MEI4: variants seen among roughly 807,000 people sequenced by gnomAD.
MEI4 encodes meiosis-specific protein MEI4.
In MEI4, 27 loss-of-function variants were observed where a neutral mutation model predicts 31.4. That is an observed-to-expected ratio of 0.86 (90% CI 0.63 to 1.19). MEI4 has a LOEUF of 1.19. Among genes scored for constraint, MEI4 ranks in the 50% most tolerant of loss-of-function variants. The pLI is 0.00. For synonymous variants in MEI4, 122 were observed against 145.4 expected (o/e 0.84, Z 1.16); for missense variants, 329 against 398.9 (o/e 0.82, Z 1.49).
chr6:77,839,822 TAGTC>T (rs1770314423), intron 4 of MEI4, among the ~76,000 whole-genome samples: 1 of 152,154 alleles, frequency 6.6e-6, no homozygotes, highest in South Asian at 2.1e-4. Context: ...AACAACTTAG[TAGTC>T]AGTGTGTCAC....
At chr6:77,796,833 G>T (rs1301648086) in intron 3 of MEI4, among the ~76,000 whole-genome samples, 2 of 152,112 alleles carry the variant, frequency 1.3e-5, no homozygotes, top group Non-Finnish European at 2.9e-5. Flanking sequence ...AAATATAAAA[G>T]AAATGCTAAA....
intron 2 of MEI4, among the ~76,000 whole-genome samples, chr6:77,731,712 G>T (rs373393447): frequency 6.6e-6 from 1 of 151,276 alleles, no homozygotes; most frequent in Non-Finnish European, 1.5e-5. Context: ...CCATGCCTAT[G>T]TCCTGAATAG....
At chr6:77,734,969 C>T (rs904008945) in intron 2 of MEI4, among the ~76,000 whole-genome samples, 10 of 152,126 alleles carry the variant, frequency 6.6e-5, no homozygotes, top group Middle Eastern at 3.4e-3. Context: ...GGCCCCCACT[C>T]TCTTCTGGCT....
chr6:77,802,868 T>A (rs1246569716), intron 3 of MEI4, among the ~76,000 whole-genome samples: 2 of 152,258 alleles, frequency 1.3e-5, no homozygotes, highest in Non-Finnish European at 2.9e-5. Flanking sequence ...CTTCCTTTTG[T>A]GGTTAACCCG....
In MEI4 at chr6:77,797,409, G is replaced by T. The variant is rs186886848; in HGVS notation, c.769-31522G>T. ...AGATTGAAAAGCCACCTTATGAAAT[G>T]GGAATAAACTTGCAAATTTATTAAG... On this transcript the variant is annotated intron_variant, in intron 3 of 4. Transcript: ENST00000684080. 1.4e-3 allele frequency among the ~76,000 whole-genome samples: 210 copies of T among 152,174 alleles called. 1 individual carries two copies. Among genetic ancestry groups the T allele is most frequent in the African/African-American group, 4.4e-3 (184 of 41,534 alleles).
chr6:77,816,403 A>G lies in MEI4; in HGVS notation c.769-12528A>G, dbSNP rs142294060. On this transcript the variant is annotated intron_variant, in intron 3 of 4. Transcript: ENST00000684080. ...TTTAAAAAGTTGATCAAGTTAATCA[A>G]TATAAATTAGTAGGAGGACTGGGAT... is the stretch of plus-strand genomic sequence containing the variant. 1.4e-3 allele frequency among the ~76,000 whole-genome samples: 216 copies of G among 152,300 alleles called. 1 individual carries two copies. Among genetic ancestry groups the G allele is most frequent in the African/African-American group, 4.5e-3 (186 of 41,586 alleles).
chr6:77,731,531 CT>C (rs1221646608), intron 2 of MEI4, among the ~76,000 whole-genome samples: 1 of 151,200 alleles, frequency 6.6e-6, no homozygotes, highest in African/African-American at 2.4e-5. Flanking sequence ...GATATTAGCC[CT>C]TTGTCAGATG....
chr6:77,897,958 A>G (rs1766118241), intron 4 of MEI4, among the ~76,000 whole-genome samples: 1 of 151,854 alleles, frequency 6.6e-6, no homozygotes, highest in African/African-American at 2.4e-5. Flanking sequence ...ATATAACACA[A>G]CCTTTGGAAG....
chr6:77,757,264 T>C (rs1767940178), intron 2 of MEI4, among the ~76,000 whole-genome samples: 1 of 152,240 alleles, frequency 6.6e-6, no homozygotes, highest in Non-Finnish European at 1.5e-5. Flanking sequence ...ATTTTGACTT[T>C]AACATTGGGA....
At chr6:77,694,368 C>T (rs1348390649) in intron 2 of MEI4, among the ~76,000 whole-genome samples, 1 of 151,846 alleles carries the variant, frequency 6.6e-6, no homozygotes, top group Admixed American at 6.6e-5. Flanking sequence ...CCCATTAACT[C>T]GTCATTTAGC....
At chr6:77,705,472 A>T (rs1295275498) in intron 2 of MEI4, among the ~76,000 whole-genome samples, 1 of 152,250 alleles carries the variant, frequency 6.6e-6, no homozygotes, top group Non-Finnish European at 1.5e-5. Flanking sequence ...ACATACTTGC[A>T]TTATATTCTG....
At chr6:77,672,981 T>C (rs569563021) in intron 1 of MEI4, among the ~76,000 whole-genome samples, 29 of 152,370 alleles carry the variant, frequency 1.9e-4, no homozygotes, top group Non-Finnish European at 3.4e-4. Context: ...GTGCAAACTT[T>C]AATAACAGCA....
chr6:77,822,615 C>T (rs1400327827), intron 3 of MEI4, among the ~76,000 whole-genome samples: 1 of 5,584 alleles, frequency 1.8e-4, no homozygotes, highest in African/African-American at 3.1e-3. Context: ...TTTGGATACC[C>T]CCCCCCCCTT....
rs1304909909 is a variant in MEI4, at chr6:77,925,228, T to C, written c.*1882T>C. ...CAGTGGTCTCCAAGGCTTCAAGGTC[T>C]GAAAATTAGCCTAGGAAATATATTT... On this transcript the variant is annotated 3_prime_UTR_variant, in exon 5 of 5. Coordinates refer to ENST00000684080, the MANE Select transcript of MEI4 (RefSeq NM_001322247.2). The C allele has an allele frequency of 6.6e-6, 1 of 151,846 alleles. No individual in the cohort carries two copies. The highest frequency in any genetic ancestry group is 2.4e-5 in the African/African-American group (1 of 41,392). The allele number at this position is 151,846 out of a possible 1,614,324, so 9.4% of individuals were successfully genotyped here.
At chr6:77,791,830 T>C (rs1193331131) in intron 3 of MEI4, among the ~76,000 whole-genome samples, 1 of 152,210 alleles carries the variant, frequency 6.6e-6, no homozygotes, top group Non-Finnish European at 1.5e-5. Flanking sequence ...TATTATTAAC[T>C]GTAATTATGT....
intron 4 of MEI4, among the ~76,000 whole-genome samples, chr6:77,890,657 G>A (rs1771738463): frequency 6.6e-6 from 1 of 151,956 alleles, no homozygotes. Flanking sequence ...GATTATGAGG[G>A]GCTGGGGTGG....
At chr6:77,804,063 C>T (rs1769356615) in intron 3 of MEI4, among the ~76,000 whole-genome samples, 2 of 152,194 alleles carry the variant, frequency 1.3e-5, no homozygotes, top group African/African-American at 2.4e-5. Flanking sequence ...ATGCCCTAGC[C>T]CCAGCGGTGA....
At chr6:77,713,098 A>G (rs1766503653) in intron 2 of MEI4, among the ~76,000 whole-genome samples, 2 of 152,172 alleles carry the variant, frequency 1.3e-5, no homozygotes, top group Non-Finnish European at 2.9e-5. Context: ...TAGAGTCAGA[A>G]GAATCTGAAT....
chr6:77,736,292 G>T (rs527275656), intron 2 of MEI4, among the ~76,000 whole-genome samples: 2 of 152,000 alleles, frequency 1.3e-5, no homozygotes, highest in South Asian at 2.1e-4. Context: ...GCAAGACTCC[G>T]TGGGCGTATT....
Sources: gnomAD v4.1 joint callset for allele counts (sites outside exome capture counted in the v4.1 genomes callset) on GRCh38, gnomAD v4.1.1 for gene constraint, MANE v1.5 for transcripts, NCBI Gene and HGNC (gene_info 2026-07-23, HGNC 2026-07-21) for gene names.